Variants in KCNMB2 observed in about 807,000 individuals in gnomAD.
KCNMB2 encodes the protein calcium-activated potassium channel subunit beta-2.
A neutral mutation model predicts 24.5 loss-of-function variants in KCNMB2; 9 were observed. The observed-to-expected ratio is 0.37, with a 90% CI of 0.22 to 0.64. The LOEUF (loss-of-function observed/expected upper bound fraction) is 0.64, where lower values mean the gene tolerates loss of function less well. Ranked by LOEUF, KCNMB2 falls within the 30% of genes least tolerant of loss-of-function variation. KCNMB2 has a pLI of 0.63. For missense variants in KCNMB2, 226 were observed against 284.3 expected, an observed-to-expected ratio of 0.79 and a Z score of 1.47; for synonymous variants, 109 against 104.4, an observed-to-expected ratio of 1.04 and a Z score of -0.27.
chr3:178,723,238 A>T (rs1722864997), intron 1 of KCNMB2, among the ~76,000 whole-genome samples: 1 of 152,196 alleles, frequency 6.6e-6, no homozygotes, highest in Non-Finnish European at 1.5e-5. Context: ...ATAGAATCAG[A>T]TTGTGATATC....
chr3:178,759,772 GAGGATATATCTATATA>G (rs1308022764), intron 1 of KCNMB2, among the ~76,000 whole-genome samples: 1 of 29,826 alleles, frequency 3.4e-5, no homozygotes, highest in African/African-American at 2.0e-4. Flanking sequence ...ATATATCCAA[GAGGATATATCTATATA>G]TATATATATC....
chr3:178,597,684 G>A (rs903182880), intron 1 of KCNMB2, among the ~76,000 whole-genome samples: 2 of 152,134 alleles, frequency 1.3e-5, no homozygotes, highest in African/African-American at 4.8e-5. Context: ...TACTGGAGGT[G>A]CTCAAGTATC....
At chr3:178,586,534 C>CTTTTTTTTTTTTTTTT (rs1717436976) in intron 1 of KCNMB2, among the ~76,000 whole-genome samples, 4 of 68,510 alleles carry the variant, frequency 5.8e-5, no homozygotes, top group Non-Finnish European at 1.1e-4. Flanking sequence ...TTTTTTTTTT[C>CTTTTTTTTTTTTTTTT]TTTCTTTTTT....
chr3:178,742,620 G>A (rs1158388491), intron 1 of KCNMB2, among the ~76,000 whole-genome samples: 1 of 152,118 alleles, frequency 6.6e-6, no homozygotes, highest in Non-Finnish European at 1.5e-5. Context: ...CACCTCAGTT[G>A]AAACCTGAGC....
intron 1 of KCNMB2, among the ~76,000 whole-genome samples, chr3:178,765,366 T>C (rs934759565): frequency 5.9e-5 from 9 of 152,244 alleles, no homozygotes; most frequent in Admixed American, 5.2e-4. Flanking sequence ...GAATACTTAC[T>C]ACAGCCTGGC....
intron 1 of KCNMB2, among the ~76,000 whole-genome samples, chr3:178,576,658 G>A (rs1185346279): frequency 6.6e-6 from 1 of 152,182 alleles, no homozygotes; most frequent in East Asian, 1.9e-4. Context: ...TTGGTAGGGG[G>A]AGGGGCATCC....
intron 1 of KCNMB2, among the ~76,000 whole-genome samples, chr3:178,752,271 C>T (rs534642473): frequency 1.2e-4 from 19 of 152,250 alleles, no homozygotes; most frequent in African/African-American, 4.1e-4. Flanking sequence ...AATTTTAGCT[C>T]GGGATAATCA....
At chr3:178,756,824 T>C (rs1724065806) in intron 1 of KCNMB2, among the ~76,000 whole-genome samples, 1 of 152,080 alleles carries the variant, frequency 6.6e-6, no homozygotes, top group African/African-American at 2.4e-5. Flanking sequence ...GTTAACAGCA[T>C]TAAAACTCAT....
chr3:178,645,458 G>A (rs1719888420), intron 1 of KCNMB2, among the ~76,000 whole-genome samples: 1 of 152,120 alleles, frequency 6.6e-6, no homozygotes, highest in South Asian at 2.1e-4. Context: ...TTTGGCAGGG[G>A]AAATAAACAT....
At chr3:178,587,331 A>C (rs189769549) in intron 1 of KCNMB2, among the ~76,000 whole-genome samples, 1 of 152,330 alleles carries the variant, frequency 6.6e-6, no homozygotes, top group African/African-American at 2.4e-5. Flanking sequence ...AGGCCTGGGA[A>C]GTGTTGGGAA....
chr3:178,712,499 C>G (rs1276865194), intron 1 of KCNMB2, among the ~76,000 whole-genome samples: 1 of 152,186 alleles, frequency 6.6e-6, no homozygotes, highest in African/African-American at 2.4e-5. Context: ...AGTTCTGGCT[C>G]TTGTAGCATG....
At chr3:178,806,282 T>C (rs952187893) in intron 1 of KCNMB2, among the ~76,000 whole-genome samples, 7 of 152,208 alleles carry the variant, frequency 4.6e-5, no homozygotes, top group African/African-American at 1.7e-4. Flanking sequence ...ATAATATCAC[T>C]ACCCACCTTG....
intron 1 of KCNMB2, among the ~76,000 whole-genome samples, chr3:178,547,992 T>C (rs1229936101): frequency 2.0e-5 from 3 of 152,274 alleles, no homozygotes; most frequent in Non-Finnish European, 4.4e-5. Context: ...CTTCCAACGA[T>C]AGATCTAATT....
At chr3:178,719,101 T>G (rs1476632106) in intron 1 of KCNMB2, among the ~76,000 whole-genome samples, 1 of 152,234 alleles carries the variant, frequency 6.6e-6, no homozygotes. Context: ...TGATTAAGGC[T>G]GCTTATAGAG....
At chr3:178,605,124 T>C (rs1437331452) in intron 1 of KCNMB2, among the ~76,000 whole-genome samples, 1 of 152,142 alleles carries the variant, frequency 6.6e-6, no homozygotes, top group Admixed American at 6.6e-5. Flanking sequence ...TATTTTGAAA[T>C]ATTATGGTAT....
At chr3:178,785,815 A>G (rs1713078547) in intron 1 of KCNMB2, among the ~76,000 whole-genome samples, 1 of 152,164 alleles carries the variant, frequency 6.6e-6, no homozygotes, top group Non-Finnish European at 1.5e-5. Flanking sequence ...AAAAAAGCAT[A>G]TTCATTTGTA....
chr3:178,689,463 G>A (rs1330030721), intron 1 of KCNMB2, among the ~76,000 whole-genome samples: 5 of 151,954 alleles, frequency 3.3e-5, no homozygotes, highest in South Asian at 2.1e-4. Context: ...GTGAAATCCC[G>A]TCTCTACTAA....
At chr3:178,797,136 A>G (rs767945483) in intron 1 of KCNMB2, among the ~76,000 whole-genome samples, 2 of 152,178 alleles carry the variant, frequency 1.3e-5, no homozygotes, top group Non-Finnish European at 2.9e-5. Flanking sequence ...GAAAACTTAG[A>G]AGAAACAGAT....
chr3:178,655,653 G>A (rs757037138), intron 1 of KCNMB2, among the ~76,000 whole-genome samples: 4 of 152,132 alleles, frequency 2.6e-5, no homozygotes, highest in African/African-American at 4.8e-5. Flanking sequence ...TAGAAAGGGC[G>A]ACAGTGCTGT....
Sources: gnomAD v4.1 joint callset for allele counts (sites outside exome capture counted in the v4.1 genomes callset) on GRCh38, gnomAD v4.1.1 for gene constraint, MANE v1.5 for transcripts, NCBI Gene and HGNC (gene_info 2026-07-23, HGNC 2026-07-21) for gene names.